FAM83B: variants seen among roughly 807,000 people sequenced by gnomAD.
FAM83B encodes scaffolding CK1 anchoring protein B.
A neutral mutation model predicts 38.8 loss-of-function variants in FAM83B; 26 were observed. That is an observed-to-expected ratio of 0.67 (90% CI 0.49 to 0.93). The LOEUF (loss-of-function observed/expected upper bound fraction) is 0.93, where lower values mean the gene tolerates loss of function less well. Among genes scored for constraint, FAM83B ranks in the 40% least tolerant of loss-of-function variants. FAM83B has a pLI of 0.00. For missense variants in FAM83B, 1,237 were observed against 1,197.3 expected (o/e 1.03, Z -0.49); for synonymous variants, 419 against 423.1 (o/e 0.99, Z 0.12).
chr6:54,870,706 T>A lies in FAM83B; in HGVS notation c.444+16T>A. On this transcript the variant is annotated intron_variant, in intron 2 of 4. Coordinates refer to ENST00000306858, the MANE Select transcript of FAM83B (RefSeq NM_001010872.3). ...AGCAAGAAAGGTAATAACATTTCTA[T>A]TTTGAAATGAAAAATTTGAAACATG... 1 of 1,557,636 alleles carries A rather than the reference T, an allele frequency of 6.4e-7. No homozygotes were observed. Among genetic ancestry groups the A allele is most frequent in the Non-Finnish European group, 8.6e-7 (1 of 1,156,458 alleles).
chr6:54,932,446 G>A (rs1369050512), intron 4 of FAM83B, among the ~76,000 whole-genome samples: 1 of 152,040 alleles, frequency 6.6e-6, no homozygotes, highest in African/African-American at 2.4e-5. Context: ...TTTATGTATT[G>A]TATAGCAATG....
intron 2 of FAM83B, among the ~76,000 whole-genome samples, chr6:54,883,259 A>G (rs1200282558): frequency 6.9e-6 from 1 of 144,732 alleles, no homozygotes; most frequent in Non-Finnish European, 1.5e-5. Flanking sequence ...GTCATTTTAT[A>G]CCTGTTCTTT....
chr6:54,861,674 A>T (rs1255914815), intron 1 of FAM83B, among the ~76,000 whole-genome samples: 1 of 152,238 alleles, frequency 6.6e-6, no homozygotes, highest in Admixed American at 6.5e-5. Flanking sequence ...AATGAATCCC[A>T]GGTAAAATGG....
rs148571997 is a variant in FAM83B, at chr6:54,941,567, A to G, written c.2596A>G (p.Arg866Gly). The stretch of plus-strand genomic sequence containing the variant: ...AAATGCTCCACCAGATGAAAATAAA[A>G]GAACACCTTCTCCAGGTCCAGTTGA... ...EINAPPDENK[R>G]TPSPGPVESK... is the part of the protein sequence containing the mutation. The change falls in exon 5 of 5, where the codon AGA becomes GGA. Residue 866 changes from arginine (R) to glycine (G), a missense_variant. Arg to Gly is a moderately radical substitution (Grantham distance 125). Coordinates refer to ENST00000306858, the MANE Select transcript of FAM83B (RefSeq NM_001010872.3). The G allele has an allele frequency of 4.3e-6, 7 of 1,613,980 alleles. No homozygotes were observed. The highest frequency in any genetic ancestry group is 5.9e-6 in the Non-Finnish European group (7 of 1,180,016).
At chr6:54,854,906 T>G (rs1771407412) in intron 1 of FAM83B, among the ~76,000 whole-genome samples, 4 of 152,312 alleles carry the variant, frequency 2.6e-5, no homozygotes, top group South Asian at 4.1e-4. Context: ...TTTTATACTT[T>G]TAAAAAATTG....
rs368601694 is a variant in FAM83B at position 54,851,804 on chromosome 6, C to T, written c.-61+4978C>T. ...CTGGGACTACAGGCGCCCGCCACTA[C>T]GCCCGGCTAATTTTTTGTATTTTTA... On this transcript the variant is annotated intron_variant, in intron 1 of 4. Transcript: ENST00000306858. 4.0e-5 allele frequency among the ~76,000 whole-genome samples: 6 copies of T among 150,480 alleles called. No homozygotes were observed. In the South Asian group the frequency reaches 6.4e-4, roughly 16 times the overall value.
intron 4 of FAM83B, among the ~76,000 whole-genome samples, chr6:54,932,538 T>G (rs559877782): frequency 3.3e-5 from 5 of 152,316 alleles, no homozygotes; most frequent in African/African-American, 9.6e-5. Context: ...GTCACTTCAT[T>G]TGTCTACATA....
chr6:54,889,453 G>A (rs1011158322), intron 2 of FAM83B, among the ~76,000 whole-genome samples: 1 of 152,032 alleles, frequency 6.6e-6, no homozygotes, highest in African/African-American at 2.4e-5. Context: ...CTACCGCAGA[G>A]TATTGGTTCC....
intron 2 of FAM83B, among the ~76,000 whole-genome samples, chr6:54,894,077 G>C (rs1417967434): frequency 6.6e-6 from 1 of 152,142 alleles, no homozygotes; most frequent in Non-Finnish European, 1.5e-5. Flanking sequence ...CTTTCCACTA[G>C]GTCCTTTATA....
chr6:54,941,121 T>C lies in FAM83B; in HGVS notation c.2150T>C (p.Leu717Ser), dbSNP rs1773676856. The change falls in exon 5 of 5, where the codon TTG becomes TCG. Residue 717 changes from leucine to serine, a missense_variant. Coordinates refer to ENST00000306858, the MANE Select transcript of FAM83B (RefSeq NM_001010872.3). ...AGCATGCACAATGTGACTCATAACT[T>C]GGAGGAGGATGAGGAGGAAGTTACC... ...SKSMHNVTHN[L>S]EEDEEEVTKR... 4 of 1,613,658 alleles carry C rather than the reference T, an allele frequency of 2.5e-6. No homozygotes were observed. In the African/African-American group the frequency reaches 5.3e-5, roughly 22 times the overall value.
rs556330602 is a variant in FAM83B, at chr6:54,864,793, A to G, written c.-60-5394A>G. Among the ~76,000 whole-genome samples, 34 of 152,316 alleles carry G rather than the reference A, an allele frequency of 2.2e-4. No homozygotes were observed. In the South Asian group the frequency reaches 6.4e-3, roughly 29 times the overall value. On this transcript the variant is annotated intron_variant, in intron 1 of 4. Coordinates refer to ENST00000306858, the MANE Select transcript of FAM83B (RefSeq NM_001010872.3). ...TGGGTAATGATTTTATATGAAAGAG[A>G]TGTTCTGAAACAATCCTTTATGAAA...
intron 4 of FAM83B, among the ~76,000 whole-genome samples, chr6:54,927,996 A>G (rs1158957985): frequency 1.3e-5 from 2 of 152,172 alleles, no homozygotes; most frequent in Non-Finnish European, 2.9e-5. Context: ...AACAGAAGCT[A>G]TTTACCACTT....
At chr6:54,849,364 G>A (rs1218706301) in intron 1 of FAM83B, among the ~76,000 whole-genome samples, 2 of 152,074 alleles carry the variant, frequency 1.3e-5, no homozygotes, top group African/African-American at 4.8e-5. Context: ...GAGGCTGAGT[G>A]CTGTGGGCTC....
intron 2 of FAM83B, among the ~76,000 whole-genome samples, chr6:54,877,793 T>C (rs566492075): frequency 1.5e-4 from 23 of 152,174 alleles, no homozygotes; most frequent in Non-Finnish European, 3.1e-4. Flanking sequence ...TCAGCGGTAA[T>C]GAAGCAGAAT....
chr6:54,889,736 T>A (rs553759586), intron 2 of FAM83B, among the ~76,000 whole-genome samples: 2 of 152,234 alleles, frequency 1.3e-5, no homozygotes, highest in South Asian at 4.1e-4. Context: ...ACTATATACA[T>A]ATGAGGATAT....
intron 2 of FAM83B, among the ~76,000 whole-genome samples, chr6:54,905,333 G>A (rs955764149): frequency 2.0e-5 from 3 of 152,094 alleles, no homozygotes; most frequent in African/African-American, 7.2e-5. Context: ...GTGTGCGATT[G>A]TGCTGAAAGG....
chr6:54,926,648 C>T (rs985386587), intron 3 of FAM83B, 113 bp downstream of exon 3: 23 of 764,028 alleles, frequency 3.0e-5, no homozygotes, highest in Admixed American at 2.9e-4. Context: ...AAAAAAAATA[C>T]GTATTTAAGG....
At chr6:54,867,241 A>G (rs7739951) in intron 1 of FAM83B, among the ~76,000 whole-genome samples, 14,868 of 151,838 alleles carry the variant, frequency 0.098, 839 homozygotes, top group African/African-American at 0.15. Context: ...AGCCCTCCAA[A>G]TGTTCAGGGA....
At chr6:54,904,827 G>T (rs1004023671) in intron 2 of FAM83B, among the ~76,000 whole-genome samples, 1 of 152,172 alleles carries the variant, frequency 6.6e-6, no homozygotes, top group Non-Finnish European at 1.5e-5. Flanking sequence ...CAGCTTTGTG[G>T]AGAAGGCAAG....
Sources: allele counts gnomAD v4.1 joint callset (sites outside exome capture counted in the v4.1 genomes callset), GRCh38; gene constraint gnomAD v4.1.1; transcripts MANE v1.5; gene names NCBI Gene and HGNC (gene_info 2026-07-23, HGNC 2026-07-21).